HCRTR2: variants seen among roughly 807,000 people sequenced by gnomAD.
The protein encoded by HCRTR2 is hypocretin receptor 2, also known as orexin receptor type 2.
In HCRTR2, 22 loss-of-function variants were observed where a neutral mutation model predicts 49.0. The observed-to-expected ratio is 0.45, with a 90% CI of 0.32 to 0.64. The LOEUF is 0.64. HCRTR2 is among the 30% of genes least tolerant of loss of function. The pLI is 0.04. For synonymous variants in HCRTR2, 236 were observed against 205.3 expected (o/e 1.15, Z -1.28); for missense variants, 491 against 559.4 (o/e 0.88, Z 1.23).
At chr6:55,154,312 AC>A (rs1354526626) in intron 1 of HCRTR2, among the ~76,000 whole-genome samples, 5 of 151,960 alleles carry the variant, frequency 3.3e-5, no homozygotes, top group Non-Finnish European at 7.4e-5. Flanking sequence ...ACGCAAAAAT[AC>A]TACAAGAACA....
chr6:55,119,622 GT>G (rs149004546), intron 1 of HCRTR2, among the ~76,000 whole-genome samples: 48,290 of 140,168 alleles, frequency 0.34, 7,988 homozygotes, highest in Non-Finnish European at 0.38. Context: ...CATTTTTGAT[GT>G]TTTTTTTTTT....
intron 1 of HCRTR2, among the ~76,000 whole-genome samples, chr6:55,221,116 G>C (rs1765882122): frequency 6.6e-6 from 1 of 152,180 alleles, no homozygotes; most frequent in African/African-American, 2.4e-5. Context: ...TTGTTAAAAT[G>C]TGCACACTGC....
At chr6:55,161,006 C>T (rs1027601140) in intron 1 of HCRTR2, among the ~76,000 whole-genome samples, 3 of 152,134 alleles carry the variant, frequency 2.0e-5, no homozygotes, top group African/African-American at 4.8e-5. Context: ...ATAGGACTCT[C>T]CACCCCAAAT....
chr6:55,245,933 A>C lies in HCRTR2; in HGVS notation c.224-2706A>C, dbSNP rs779609999. 3.3e-5 allele frequency among the ~76,000 whole-genome samples: 5 copies of C among 152,004 alleles called. No homozygotes were observed. In the South Asian group the frequency reaches 8.3e-4, roughly 25 times the overall value. ...ATGGGGTCATTGCAGATGTAATTTG[A>C]TATGGTAAAGTCATATTGCAGTAGG... On this transcript the variant is annotated intron_variant, in intron 1 of 6. Coordinates refer to ENST00000370862, the MANE Select transcript of HCRTR2 (RefSeq NM_001384272.1).
At chr6:55,121,580 T>C (rs1245669240) in intron 1 of HCRTR2, among the ~76,000 whole-genome samples, 4 of 152,210 alleles carry the variant, frequency 2.6e-5, no homozygotes, top group Non-Finnish European at 1.5e-5. Flanking sequence ...CCATTCAGTA[T>C]GATATTGGCT....
intron 1 of HCRTR2, among the ~76,000 whole-genome samples, chr6:55,145,417 G>T (rs201666431): frequency 4.7e-5 from 6 of 128,716 alleles, no homozygotes; most frequent in Non-Finnish European, 5.1e-5. Flanking sequence ...TTTTTTGTTT[G>T]TTTTTTTTTT....
Position 55,282,402 on chromosome 6 carries a change from G to A in HCRTR2, c.1283G>A (p.Ser428Asn), listed in dbSNP as rs755030659. The A allele has an allele frequency of 1.1e-5, 17 of 1,612,480 alleles. No individual in the cohort carries two copies. The South Asian group carries it at 1.9e-4, about 18-fold the overall frequency. The change falls in exon 7 of 7, where the codon AGC becomes AAC. Residue 428 changes from serine (S) to asparagine (N), a missense_variant. Transcript: ENST00000370862. ...SKLSEQVVLT[S>N]ISTLPAANGA... ...CTTTCTGAGCAAGTTGTGCTCACTA[G>A]CATAAGCACACTCCCAGCAGCCAAT...
At chr6:55,262,501 TTATAA>T (rs1380008348) in intron 3 of HCRTR2, among the ~76,000 whole-genome samples, 4 of 131,184 alleles carry the variant, frequency 3.0e-5, no homozygotes, top group South Asian at 2.2e-4. Flanking sequence ...TTATTATATA[TTATAA>T]TATAACTTAT....
intron 1 of HCRTR2, among the ~76,000 whole-genome samples, chr6:55,187,472 A>G (rs1765239838): frequency 6.7e-6 from 1 of 149,472 alleles, no homozygotes; most frequent in Non-Finnish European, 1.5e-5. Context: ...AAAAGAAAGC[A>G]GATATTGGTA....
At chr6:55,198,400 A>C (rs1486845990) in intron 1 of HCRTR2, among the ~76,000 whole-genome samples, 1 of 152,132 alleles carries the variant, frequency 6.6e-6, no homozygotes, top group Non-Finnish European at 1.5e-5. Context: ...CCCCAACACT[A>C]TCTCAAACTG....
intron 1 of HCRTR2, among the ~76,000 whole-genome samples, chr6:55,194,839 CT>C (rs1477754089): frequency 1.3e-5 from 2 of 151,762 alleles, no homozygotes; most frequent in Non-Finnish European, 2.9e-5. Flanking sequence ...GAATCTAGTA[CT>C]TTTTTTAATG....
At chr6:55,264,896 G>T (rs1025758745) in intron 4 of HCRTR2, among the ~76,000 whole-genome samples, 6 of 151,986 alleles carry the variant, frequency 3.9e-5, no homozygotes, top group Non-Finnish European at 5.9e-5. Flanking sequence ...TCATTAAAAA[G>T]ATTTCACAAA....
At chr6:55,259,952 A>G (rs1766723617) in intron 3 of HCRTR2, among the ~76,000 whole-genome samples, 1 of 152,146 alleles carries the variant, frequency 6.6e-6, no homozygotes, top group Admixed American at 6.6e-5. Context: ...CTAGTTATCT[A>G]TTATAATCTC....
chr6:55,239,625 A>T (rs1766282502), intron 1 of HCRTR2, among the ~76,000 whole-genome samples: 1 of 152,194 alleles, frequency 6.6e-6, no homozygotes, highest in Admixed American at 6.5e-5. Flanking sequence ...GGTTGACAAA[A>T]GTGAGAGCTT....
downstream of HCRTR2, among the ~76,000 whole-genome samples, chr6:55,282,970 G>A (rs894966852): frequency 6.6e-6 from 1 of 152,012 alleles, no homozygotes; most frequent in Non-Finnish European, 1.5e-5. Flanking sequence ...AGCATATTGT[G>A]TTAGGTAATT....
Position 55,259,535 on chromosome 6 carries a change from T to TA in HCRTR2, c.646+4156_646+4157insA, listed in dbSNP as rs573339644. On this transcript the variant is annotated intron_variant, in intron 3 of 6. Transcript: ENST00000370862. Reference sequence around the variant, plus strand: ...TAGATAATTAAGATAACATGCTGGCTGAATAATGAACCTTAAGTCATCTGA... The same window carrying TA: ...TAGATAATTAAGATAACATGCTGGCTAGAATAATGAACCTTAAGTCATCTGA... Among the ~76,000 whole-genome samples, 588 of 152,160 alleles carry TA rather than the reference T, an allele frequency of 3.9e-3. 7 individuals are homozygous for TA. Among genetic ancestry groups the TA allele is most frequent in the African/African-American group, 0.014 (563 of 41,564 alleles).
chr6:55,109,191 G>A (rs1023465771), intron 1 of HCRTR2, among the ~76,000 whole-genome samples: 1 of 152,134 alleles, frequency 6.6e-6, no homozygotes, highest in African/African-American at 2.4e-5. Context: ...TAGGGGAAGA[G>A]GGAGAGCACC....
chr6:55,110,146 C>A (rs911147723), intron 1 of HCRTR2, among the ~76,000 whole-genome samples: 2 of 152,044 alleles, frequency 1.3e-5, no homozygotes, highest in African/African-American at 4.8e-5. Context: ...GAAAGATAGT[C>A]TTTTCCAGAC....
chr6:55,165,368 T>A (rs1032693613), intron 1 of HCRTR2, among the ~76,000 whole-genome samples: 1 of 152,074 alleles, frequency 6.6e-6, no homozygotes, highest in African/African-American at 2.4e-5. Context: ...AACTGAACTC[T>A]CATTCAATGG....
Sources: gnomAD v4.1 joint callset for allele counts (sites outside exome capture counted in the v4.1 genomes callset) on GRCh38, gnomAD v4.1.1 for gene constraint, MANE v1.5 for transcripts, NCBI Gene and HGNC (gene_info 2026-07-23, HGNC 2026-07-21) for gene names.